The following POFUT3 variants were observed in gnomAD, a reference collection of about 807,000 sequenced individuals.
POFUT3 encodes the protein protein O-fucosyltransferase 3, also known as GDP-fucose protein O-fucosyltransferase 3.
At chr8:33,393,616 A>G in the POFUT3 span, among the ~76,000 whole-genome samples, 9 of 152,226 alleles carry the variant, frequency 5.9e-5, no homozygotes, top group Non-Finnish European at 1.3e-4. Flanking sequence ...ACAGAAGGCA[A>G]CATACATTAT....
the POFUT3 span, among the ~76,000 whole-genome samples, chr8:33,412,128 A>G: frequency 6.6e-6 from 1 of 152,226 alleles, no homozygotes. Flanking sequence ...ACACATTTTC[A>G]TCTTCTTTAG....
At chr8:33,332,243 G>A in the POFUT3 span, among the ~76,000 whole-genome samples, 3 of 151,192 alleles carry the variant, frequency 2.0e-5, no homozygotes, top group South Asian at 6.3e-4. Flanking sequence ...CACCACTTTG[G>A]GAGGCCGAGG....
At chr8:33,333,508 G>A in the POFUT3 span, among the ~76,000 whole-genome samples, 9 of 152,286 alleles carry the variant, frequency 5.9e-5, 1 homozygote, top group South Asian at 1.7e-3. Context: ...ATCATATAAT[G>A]AAGGGGCTTA....
the POFUT3 span, chr8:33,461,368 G>A: frequency 1.2e-6 from 2 of 1,605,894 alleles, no homozygotes; most frequent in Non-Finnish European, 1.7e-6. Context: ...CACATTCTTG[G>A]TACCTGGAGT....
At chr8:33,455,514 A>G in the POFUT3 span, among the ~76,000 whole-genome samples, 1 of 152,034 alleles carries the variant, frequency 6.6e-6, no homozygotes, top group Non-Finnish European at 1.5e-5. Flanking sequence ...AAAAAGGGAG[A>G]CTCCATCTCA....
At chr8:33,468,570 G>A in the POFUT3 span, among the ~76,000 whole-genome samples, 1 of 152,224 alleles carries the variant, frequency 6.6e-6, no homozygotes, top group African/African-American at 2.4e-5. Flanking sequence ...AATGGTGACT[G>A]TCCTGGCGAA....
At chr8:33,420,814 CAA>C in the POFUT3 span, among the ~76,000 whole-genome samples, 1 of 144,144 alleles carries the variant, frequency 6.9e-6, no homozygotes. Flanking sequence ...ATTCCCAATA[CAA>C]AAAAAAAAGA....
chr8:33,465,429 TAGAGAGAG>T, the POFUT3 span, among the ~76,000 whole-genome samples: 5 of 146,964 alleles, frequency 3.4e-5, no homozygotes, highest in Non-Finnish European at 7.5e-5. Flanking sequence ...CATATATATA[TAGAGAGAG>T]AGAGAGAGAG....
At chr8:33,349,532 T>A in the POFUT3 span, among the ~76,000 whole-genome samples, 1 of 152,146 alleles carries the variant, frequency 6.6e-6, no homozygotes. Flanking sequence ...GAACATACGA[T>A]GTTTGGTTTT....
the POFUT3 span, among the ~76,000 whole-genome samples, chr8:33,357,697 G>A: frequency 1.3e-5 from 2 of 151,368 alleles, no homozygotes; most frequent in African/African-American, 2.4e-5. Flanking sequence ...GCACATACAC[G>A]TGCACATACA....
chr8:33,309,729 A>G, the POFUT3 span, among the ~76,000 whole-genome samples: 1 of 152,330 alleles, frequency 6.6e-6, no homozygotes, highest in East Asian at 1.9e-4. Flanking sequence ...TGTCTCACAA[A>G]GTCTGACCAT....
chr8:33,405,682 T>C, the POFUT3 span, among the ~76,000 whole-genome samples: 1 of 152,216 alleles, frequency 6.6e-6, no homozygotes, highest in Non-Finnish European at 1.5e-5. Context: ...AAACATCTTA[T>C]CAGTCAGTCA....
At chr8:33,395,472 C>A in the POFUT3 span, among the ~76,000 whole-genome samples, 2 of 151,898 alleles carry the variant, frequency 1.3e-5, no homozygotes, top group Non-Finnish European at 2.9e-5. Flanking sequence ...GTTTGGCCAT[C>A]CCCGGCCAAA....
chr8:33,355,672 G>T, the POFUT3 span, among the ~76,000 whole-genome samples: 100 of 148,306 alleles, frequency 6.7e-4, no homozygotes, highest in African/African-American at 1.8e-3. Context: ...TTTTTTTTTT[G>T]GTTTTATTAT....
chr8:33,374,206 C>G, the POFUT3 span, among the ~76,000 whole-genome samples: 4 of 152,170 alleles, frequency 2.6e-5, no homozygotes, highest in African/African-American at 4.8e-5. Context: ...AATCCCCCAC[C>G]CACCTACCGG....
chr8:33,322,596 C>T, the POFUT3 span, among the ~76,000 whole-genome samples: 1 of 151,948 alleles, frequency 6.6e-6, no homozygotes, highest in South Asian at 2.1e-4. Flanking sequence ...ATAATGCATG[C>T]ATATTATATA....
chr8:33,389,103 C>G, the POFUT3 span: 1 of 1,614,228 alleles, frequency 6.2e-7, no homozygotes, highest in Non-Finnish European at 8.5e-7. Flanking sequence ...TTAGAGATCT[C>G]ACCCTTCAGC....
the POFUT3 span, among the ~76,000 whole-genome samples, chr8:33,431,702 T>C: frequency 2.0e-4 from 31 of 151,882 alleles, no homozygotes; most frequent in African/African-American, 7.0e-4. Flanking sequence ...ACAGGGCTGA[T>C]GTATTAAAGA....
At chr8:33,462,165 AAGGG>A in the POFUT3 span, among the ~76,000 whole-genome samples, 10 of 12,804 alleles carry the variant, frequency 7.8e-4, no homozygotes, top group East Asian at 1.3e-3. Context: ...AGGGAAGGGG[AAGGG>A]ACCAGAGTGG....
Sources: allele counts gnomAD v4.1 joint callset (sites outside exome capture counted in the v4.1 genomes callset), GRCh38; gene constraint gnomAD v4.1.1; transcripts MANE v1.5; gene names NCBI Gene and HGNC (gene_info 2026-07-23, HGNC 2026-07-21).